The following TENM3 variants were observed in gnomAD, a reference collection of about 807,000 sequenced individuals.
TENM3 encodes the protein teneurin transmembrane protein 3.
In TENM3, 63 loss-of-function variants were observed where a neutral mutation model predicts 255.1. The observed-to-expected ratio is 0.25, with a 90% CI of 0.20 to 0.30. The LOEUF (loss-of-function observed/expected upper bound fraction) is 0.30. Ranked by LOEUF, TENM3 falls within the 10% of genes least tolerant of loss-of-function variation. The pLI is 1.00. For synonymous variants in TENM3, 1,306 were observed against 1,322.3 expected, an observed-to-expected ratio of 0.99 and a Z score of 0.27; for missense variants, 2,929 against 3,461.1, an observed-to-expected ratio of 0.85 and a Z score of 3.86.
Position 182,379,547 on chromosome 4 carries a change from A to G in TENM3, c.511+32618A>G, listed in dbSNP as rs535959415. ...TTCATGCTCGTCTGAGACATTGTAT[A>G]TAATGCAGTAACTAGTGAAGAGTCA... On this transcript the variant is annotated intron_variant, in intron 3 of 27. Transcript: ENST00000511685. Among the ~76,000 whole-genome samples the G allele has an allele frequency of 3.4e-4, 52 of 151,698 alleles. No individual in the cohort carries two copies. In the South Asian group the frequency reaches 0.011, roughly 31 times the overall value.
chr4:181,834,599 G>T, the TENM3 span, among the ~76,000 whole-genome samples: 1 of 152,198 alleles, frequency 6.6e-6, no homozygotes, highest in African/African-American at 2.4e-5. Flanking sequence ...CTCAGCCTGG[G>T]CATGGGGCGG....
the TENM3 span, among the ~76,000 whole-genome samples, chr4:181,654,888 A>T: frequency 6.6e-6 from 1 of 152,074 alleles, no homozygotes; most frequent in Admixed American, 6.6e-5. Flanking sequence ...GGCCCCTTCC[A>T]TCCAACATGA....
intron 2 of TENM3, among the ~76,000 whole-genome samples, chr4:182,342,137 A>G (rs948717733): frequency 6.6e-6 from 1 of 152,202 alleles, no homozygotes; most frequent in Non-Finnish European, 1.5e-5. Flanking sequence ...CTCTTCTAGG[A>G]TATGCTCAAG....
intron 1 of TENM3, among the ~76,000 whole-genome samples, chr4:182,302,528 C>T (rs746753744): frequency 6.6e-6 from 1 of 151,952 alleles, no homozygotes; most frequent in East Asian, 1.9e-4. Context: ...GTCATCTTTC[C>T]CTCTAACAAA....
intron 5 of TENM3, among the ~76,000 whole-genome samples, chr4:182,649,019 A>G (rs1361284902): frequency 2.0e-5 from 3 of 152,146 alleles, no homozygotes; most frequent in Admixed American, 6.5e-5. Flanking sequence ...TGGGGCTATT[A>G]CAAATAATGC....
At chr4:181,786,991 A>G in the TENM3 span, among the ~76,000 whole-genome samples, 846 of 152,336 alleles carry the variant, frequency 5.6e-3, 11 homozygotes, top group African/African-American at 0.02. Context: ...ACAAGTAAGA[A>G]TGATCTTTGC....
At chr4:181,976,747 T>C in the TENM3 span, among the ~76,000 whole-genome samples, 2 of 152,162 alleles carry the variant, frequency 1.3e-5, no homozygotes, top group Non-Finnish European at 2.9e-5. Flanking sequence ...GCTAAAGATA[T>C]GAATTTGGGA....
chr4:181,773,234 G>A, the TENM3 span, among the ~76,000 whole-genome samples: 2 of 152,086 alleles, frequency 1.3e-5, no homozygotes, highest in Admixed American at 6.5e-5. Context: ...TTCAGTATCA[G>A]ATAGACTCAA....
chr4:182,696,271 AAAAGT>A (rs977416736), intron 12 of TENM3, among the ~76,000 whole-genome samples: 1 of 152,224 alleles, frequency 6.6e-6, no homozygotes, highest in African/African-American at 2.4e-5. Context: ...ATCAATAATG[AAAAGT>A]AAACTATCGC....
chr4:182,519,528 A>C (rs1022048117), intron 3 of TENM3, among the ~76,000 whole-genome samples: 1 of 152,202 alleles, frequency 6.6e-6, no homozygotes, highest in Admixed American at 6.5e-5. Context: ...GGGCAAGAGA[A>C]AGCAACCCCA....
At chr4:181,760,546 C>T in the TENM3 span, among the ~76,000 whole-genome samples, 2 of 152,028 alleles carry the variant, frequency 1.3e-5, no homozygotes, top group Admixed American at 6.6e-5. Flanking sequence ...AAGTTGGGCC[C>T]ATTATGGTTA....
At chr4:182,097,694 A>G in the TENM3 span, among the ~76,000 whole-genome samples, 100 of 152,334 alleles carry the variant, frequency 6.6e-4, 1 homozygote, top group Admixed American at 3.3e-3. Context: ...AAAAGGCCCA[A>G]GGAGTATCTA....
At chr4:182,295,953 T>A (rs1761462045) in intron 1 of TENM3, among the ~76,000 whole-genome samples, 1 of 152,140 alleles carries the variant, frequency 6.6e-6, no homozygotes, top group Non-Finnish European at 1.5e-5. Flanking sequence ...TTATTATTAT[T>A]TTTTTATTTA....
intron 1 of TENM3, among the ~76,000 whole-genome samples, chr4:182,302,268 A>G (rs1305776576): frequency 6.6e-6 from 1 of 152,150 alleles, no homozygotes; most frequent in Non-Finnish European, 1.5e-5. Context: ...TTTCCACCAT[A>G]AAGGAAGGTT....
chr4:182,348,283 C>T (rs1327724355), intron 3 of TENM3, among the ~76,000 whole-genome samples: 2 of 151,956 alleles, frequency 1.3e-5, no homozygotes, highest in Admixed American at 1.3e-4. Context: ...AATCAGGATG[C>T]CAACATTTCT....
At chr4:182,565,862 A>G (rs1026016145) in intron 3 of TENM3, among the ~76,000 whole-genome samples, 3 of 152,090 alleles carry the variant, frequency 2.0e-5, no homozygotes, top group African/African-American at 7.2e-5. Flanking sequence ...TTCTTTTTCA[A>G]CCTAAGACCA....
chr4:181,584,148 A>C, the TENM3 span, among the ~76,000 whole-genome samples: 1 of 152,242 alleles, frequency 6.6e-6, no homozygotes, highest in Non-Finnish European at 1.5e-5. Flanking sequence ...ATTAAAAGCA[A>C]TATCTTGCCT....
chr4:181,696,607 A>G, the TENM3 span, among the ~76,000 whole-genome samples: 1 of 152,204 alleles, frequency 6.6e-6, no homozygotes. Context: ...GACTAGGTAG[A>G]ATGTTCAAGT....
chr4:182,596,181 T>G (rs1352962262), intron 3 of TENM3, among the ~76,000 whole-genome samples: 1 of 152,138 alleles, frequency 6.6e-6, no homozygotes, highest in Non-Finnish European at 1.5e-5. Flanking sequence ...AAGAGTTAAG[T>G]TGGGGAAATA....
Sources: gnomAD v4.1 joint callset for allele counts (sites outside exome capture counted in the v4.1 genomes callset) on GRCh38, gnomAD v4.1.1 for gene constraint, MANE v1.5 for transcripts, NCBI Gene and HGNC (gene_info 2026-07-23, HGNC 2026-07-21) for gene names.